Variants in SLC38A1 observed in about 807,000 individuals in gnomAD.
SLC38A1 encodes the protein solute carrier family 38 member 1, also known as sodium-coupled neutral amino acid symporter 1.
A neutral mutation model predicts 60.3 loss-of-function variants in SLC38A1; 18 were observed. That is an observed-to-expected ratio of 0.30 (90% confidence interval 0.21 to 0.44). The LOEUF (loss-of-function observed/expected upper bound fraction) is 0.44. Among genes scored for constraint, SLC38A1 ranks in the 20% least tolerant of loss-of-function variants. The pLI is 1.00. For missense variants in SLC38A1, 448 were observed against 587.2 expected (o/e 0.76, Z 2.45); for synonymous variants, 196 against 212.1 (o/e 0.92, Z 0.66).
Position 46,197,793 on chromosome 12 carries a change from A to G in SLC38A1, c.1289T>C (p.Ile430Thr). 3 of 1,602,376 alleles carry G rather than the reference A, an allele frequency of 1.9e-6. No individual in the cohort carries two copies. The highest frequency in any genetic ancestry group is 2.5e-6 in the Non-Finnish European group (3 of 1,176,746). The change falls in exon 16 of 17, where the codon ATT becomes ACT. Residue 430 changes from isoleucine (I) to threonine (T), a missense_variant. Coordinates refer to ENST00000398637, the MANE Select transcript of SLC38A1 (RefSeq NM_030674.4). ...ATAAAGAGATGAAGGAAGAATGAAAATAAGCATGTTAGCAGATGTAACTCC... is the reference window on the plus strand; with the variant it reads ...ATAAAGAGATGAAGGAAGAATGAAAGTAAGCATGTTAGCAGATGTAACTCC... ...VVGVTSANML[I>T]FILPSSLYLK...
At chr12:46,262,092 G>A (rs192785263) in intron 1 of SLC38A1, among the ~76,000 whole-genome samples, 19 of 152,312 alleles carry the variant, frequency 1.2e-4, no homozygotes, top group African/African-American at 4.6e-4. Context: ...GTGGGGCATG[G>A]AGATGAACCG....
chr12:46,196,248 T>C (rs1456986950), intron 16 of SLC38A1: 1 of 1,536,070 alleles, frequency 6.5e-7, no homozygotes, highest in East Asian at 2.4e-5. Context: ...CCAACAGGGC[T>C]GGACTGGAAA....
At chr12:46,198,576 A>C in intron 14 of SLC38A1, 49 bp downstream of exon 14, 1 of 1,319,700 alleles carries the variant, frequency 7.6e-7, no homozygotes, top group Non-Finnish European at 1.0e-6. Flanking sequence ...AGGCAGAAGG[A>C]AAGCCGAGAC....
At chr12:46,212,778 A>G (rs1940232443) in intron 5 of SLC38A1, among the ~76,000 whole-genome samples, 1 of 152,192 alleles carries the variant, frequency 6.6e-6, no homozygotes, top group South Asian at 2.1e-4. Context: ...ATGCCAACAC[A>G]CAGGCATCCA....
chr12:46,263,763 G>C (rs1449526440), intron 1 of SLC38A1, among the ~76,000 whole-genome samples: 1 of 152,150 alleles, frequency 6.6e-6, no homozygotes, highest in Non-Finnish European at 1.5e-5. Context: ...TGTATCACTG[G>C]ACAGGCGTCT....
At chr12:46,251,276 A>G (rs2138680417) in intron 1 of SLC38A1, among the ~76,000 whole-genome samples, 1 of 152,340 alleles carries the variant, frequency 6.6e-6, no homozygotes, top group South Asian at 2.1e-4. Flanking sequence ...TGGTGCTGGG[A>G]AAACTGACTA....
intron 3 of SLC38A1, among the ~76,000 whole-genome samples, chr12:46,238,513 C>T (rs1052610056): frequency 6.6e-6 from 1 of 152,136 alleles, no homozygotes; most frequent in Admixed American, 6.5e-5. Flanking sequence ...TTGACCCTCC[C>T]AAAGTATAAC....
At chr12:46,211,911 C>G (rs912504685) in intron 5 of SLC38A1, among the ~76,000 whole-genome samples, 8 of 152,170 alleles carry the variant, frequency 5.3e-5, no homozygotes, top group Admixed American at 1.3e-4. Flanking sequence ...AAGCAAAACC[C>G]CCTTTTCTAT....
intron 5 of SLC38A1, among the ~76,000 whole-genome samples, chr12:46,221,958 G>C (rs1358109430): frequency 6.6e-6 from 1 of 152,276 alleles, no homozygotes; most frequent in African/African-American, 2.4e-5. Context: ...CAGGGTACGG[G>C]TGGGCTCTGG....
intron 1 of SLC38A1, among the ~76,000 whole-genome samples, chr12:46,257,366 A>T (rs1294091468): frequency 6.6e-6 from 1 of 152,172 alleles, no homozygotes; most frequent in Non-Finnish European, 1.5e-5. Flanking sequence ...AGGATTTCTA[A>T]CACTCCTAAT....
intron 5 of SLC38A1, among the ~76,000 whole-genome samples, chr12:46,211,016 T>C (rs1190598672): frequency 2.0e-5 from 3 of 152,222 alleles, no homozygotes; most frequent in Non-Finnish European, 4.4e-5. Flanking sequence ...CAGGATTTGA[T>C]ATGCTCTGCC....
chr12:46,206,057 A>C (rs1232675049), intron 9 of SLC38A1, 23 bp downstream of exon 9: 1 of 1,555,038 alleles, frequency 6.4e-7, no homozygotes, highest in Admixed American at 1.7e-5. Flanking sequence ...GCAGAATATG[A>C]TAAAAGCAAA....
In SLC38A1 at chr12:46,268,821, C is replaced by A; in HGVS notation, c.-504G>T. 2.3e-6 allele frequency: 1 copy of A among 443,934 alleles called. No individual in the cohort carries two copies. The highest frequency in any genetic ancestry group is 4.6e-6 in the Non-Finnish European group (1 of 218,770). 27.5% of individuals were successfully genotyped at this position (443,934 alleles called of 1,614,324 possible). On this transcript the variant is annotated 5_prime_UTR_variant, in exon 1 of 17. Transcript: ENST00000398637. This position sits in a 1 kb window ranked among gnomAD's most constrained non-coding sequence, Gnocchi z 4.4. ...CCGATTGCATCAGAATCTCCCCTCA[C>A]CACCAACCCCCACTCACACTCTGCT...
At chr12:46,214,779 T>C (rs10880936) in intron 5 of SLC38A1, among the ~76,000 whole-genome samples, 23,198 of 152,174 alleles carry the variant, frequency 0.15, 2,771 homozygotes, top group East Asian at 0.44. Flanking sequence ...ACAAATCATA[T>C]GACATCCTCC....
intron 5 of SLC38A1, among the ~76,000 whole-genome samples, chr12:46,209,695 G>T (rs534156326): frequency 6.6e-6 from 1 of 152,130 alleles, no homozygotes; most frequent in East Asian, 1.9e-4. Context: ...TTTTGCACCT[G>T]GTTCCTCTTA....
chr12:46,198,823 A>T (rs1939507882), intron 13 of SLC38A1, 80 bp from the exon 14 acceptor site: 2 of 847,680 alleles, frequency 2.4e-6, no homozygotes, highest in Admixed American at 5.0e-5. Context: ...AAAAACAAAG[A>T]ATCTGTAAAC....
intron 5 of SLC38A1, among the ~76,000 whole-genome samples, chr12:46,221,521 T>C (rs765762525): frequency 3.4e-4 from 51 of 152,212 alleles, no homozygotes; most frequent in Non-Finnish European, 2.1e-4. Flanking sequence ...ACCTTTCAGT[T>C]GATCTTTTTT....
chr12:46,256,607 GCGCGCGCACA>G (rs1302619319), intron 1 of SLC38A1, among the ~76,000 whole-genome samples: 2 of 92,880 alleles, frequency 2.2e-5, no homozygotes, highest in Non-Finnish European at 4.0e-5. Context: ...GTTTGCGCGC[GCGCGCGCACA>G]CACACACACA....
rs1368017584 is a variant in SLC38A1, at chr12:46,268,923, C to G, written c.-606G>C. The G allele has an allele frequency of 1.1e-5, 5 of 455,070 alleles. No homozygotes were observed. The highest frequency in any genetic ancestry group is 2.4e-5 in the Admixed American group (1 of 42,466). 28.2% of individuals were successfully genotyped at this position (455,070 alleles called of 1,614,324 possible). ...GGAGTCATTCTCCTACTGGGGGACGCGTGGCCCTTCCGCAACCATGGCTTG... is the reference window on the plus strand; with the variant it reads ...GGAGTCATTCTCCTACTGGGGGACGGGTGGCCCTTCCGCAACCATGGCTTG... On this transcript the variant is annotated 5_prime_UTR_variant, in exon 1 of 17. Coordinates refer to ENST00000398637, the MANE Select transcript of SLC38A1 (RefSeq NM_030674.4). This position sits in a 1 kb window ranked among gnomAD's most constrained non-coding sequence, Gnocchi z 4.4.
Sources: allele counts gnomAD v4.1 joint callset (sites outside exome capture counted in the v4.1 genomes callset), GRCh38; gene constraint gnomAD v4.1.1; non-coding constraint Gnocchi (gnomAD v3.1); transcripts MANE v1.5; gene names NCBI Gene and HGNC (gene_info 2026-07-23, HGNC 2026-07-21).